The following DYNC1H1 variants were observed in gnomAD, a reference collection of about 807,000 sequenced individuals.
DYNC1H1 encodes dynein cytoplasmic 1 heavy chain 1, also known as cytoplasmic dynein 1 heavy chain 1.
In DYNC1H1, 51 loss-of-function variants were observed where a neutral mutation model predicts 527.1. The ratio of observed to expected loss-of-function variants is 0.10; its 90% CI spans 0.08 to 0.12. DYNC1H1 has a LOEUF of 0.12. DYNC1H1 is among the 10% of genes least tolerant of loss of function. DYNC1H1 has a pLI of 1.00. For synonymous variants in DYNC1H1, 2,189 were observed against 2,278.8 expected (o/e 0.96, Z 1.12); for missense variants, 2,771 against 5,971.8 (o/e 0.46, Z 17.66).
intron 15 of DYNC1H1, 38 bp downstream of exon 15, chr14:101,995,338 G>A (rs755023870): frequency 1.6e-5 from 26 of 1,612,504 alleles, no homozygotes; most frequent in South Asian, 5.5e-5. Flanking sequence ...TTGGCTGGGC[G>A]TGGTGGCTCA....
At position 101,983,075 on chromosome 14, in the gene DYNC1H1, C is replaced by T. The variant is rs752337814; in HGVS notation, c.1018C>T (p.Pro340Ser). 1 of 1,614,122 alleles carries T rather than the reference C, an allele frequency of 6.2e-7. No homozygotes were observed. The change falls in exon 6 of 78, where the codon CCT becomes TCT. Residue 340 changes from proline to serine, a missense_variant. Transcript: ENST00000360184. This position sits in a 1 kb window ranked among gnomAD's most constrained non-coding sequence, Gnocchi z 5.3. ...CTACAATCCTCTGATGAAAGATTTC[C>T]CTCTGAATGATTTGCTGTCTGCCAC... ...NDYNPLMKDF[P>S]LNDLLSATEL...
chr14:102,046,995 A>G (rs912318055), intron 72 of DYNC1H1, among the ~76,000 whole-genome samples: 1 of 151,918 alleles, frequency 6.6e-6, no homozygotes, highest in Non-Finnish European at 1.5e-5. Context: ...GGGTCTCACT[A>G]TGTTGCCCAG....
In DYNC1H1 at chr14:101,988,813, A is replaced by G. The variant is rs757594867; in HGVS notation, c.2829A>G (p.Pro943=). 1.2e-5 allele frequency: 20 copies of G among 1,614,268 alleles called. No homozygotes were observed. Among genetic ancestry groups the G allele is most frequent in the Non-Finnish European group, 1.5e-5 (18 of 1,180,052 alleles). Residue 943 remains proline (P), a synonymous_variant, in exon 10 of 78, where the codon CCA becomes CCG. Transcript: ENST00000360184. ...AAGTTGACATGGACACAGATGCTCC[A>G]CAAGTTAGTCACAAGCCTGGTGGAG... ...KAEVDMDTDA[P]QVSHKPGGEP...
Position 101,964,706 on chromosome 14 carries a change from G to GGGT in DYNC1H1, c.17_18insTGG (p.Gly9dup), listed in dbSNP as rs1249154932. ...AGCGCGACACCATGTCGGAGCCCGG[G>GGGT]GGCGGCGGCGGCGAGGACGGCTCGG... On this transcript the variant is annotated inframe_insertion, in exon 1 of 78. Transcript: ENST00000360184. This position sits in a 1 kb window ranked among gnomAD's most constrained non-coding sequence, Gnocchi z 5.5. The GGGT allele has an allele frequency of 2.5e-6, 4 of 1,595,416 alleles. No homozygotes were observed. The highest frequency in any genetic ancestry group is 3.4e-6 in the Non-Finnish European group (4 of 1,175,748).
intron 73 of DYNC1H1, chr14:102,048,274 C>T: frequency 1.4e-6 from 1 of 714,822 alleles, no homozygotes; most frequent in Admixed American, 2.7e-5. Flanking sequence ...CGAGCAGCCG[C>T]AGCCCTTCCT....
Position 102,013,679 on chromosome 14 carries a change from A to G in DYNC1H1, c.7014+1209A>G, listed in dbSNP as rs17541130. On this transcript the variant is annotated intron_variant, in intron 34 of 77. Coordinates refer to ENST00000360184, the MANE Select transcript of DYNC1H1 (RefSeq NM_001376.5). The stretch of plus-strand genomic sequence containing the variant: ...TTGTACACTGGGCAAGCTGGGATCC[A>G]TGGAGCAGCCTGGACAGGAGCGATG... Among the ~76,000 whole-genome samples the G allele has an allele frequency of 2.8e-3, 421 of 152,264 alleles. 1 individual carries two copies. Among genetic ancestry groups the G allele is most frequent in the African/African-American group, 9.5e-3 (396 of 41,550 alleles).
At chr14:102,043,040 G>T (rs1463474111) in intron 69 of DYNC1H1, 2 of 414,814 alleles carry the variant, frequency 4.8e-6, no homozygotes, top group Non-Finnish European at 9.1e-6. Context: ...CCTGCACTTT[G>T]GGAGGCTGAG....
In DYNC1H1 at chr14:102,000,935, C is replaced by G. The variant is rs1172875922; in HGVS notation, c.4075-19C>G. 6.2e-7 allele frequency: 1 copy of G among 1,601,742 alleles called. No homozygotes were observed. Among genetic ancestry groups the G allele is most frequent in the African/African-American group, 1.3e-5 (1 of 74,666 alleles). ...GAAATGTTGGCAAGCTAAATAGCAT[C>G]TTATGTTTCTCTCGACAGCTTCGAC... On this transcript the variant is annotated intron_variant, in intron 18 of 77. Transcript: ENST00000360184.
Position 102,015,952 on chromosome 14 carries a change from A to G in DYNC1H1, c.7339A>G (p.Met2447Val). Reference sequence around the variant, plus strand: ...GCACGCCTTCCAGCTGGAGCACATCATGGACCTAACACGCCTGCGCTGCCT... The same window carrying G: ...GCACGCCTTCCAGCTGGAGCACATCGTGGACCTAACACGCCTGCGCTGCCT... Reference protein sequence around the residue: ...LEHAFQLEHIMDLTRLRCLGS... With the variant: ...LEHAFQLEHIVDLTRLRCLGS... The change falls in exon 36 of 78, where the codon ATG (methionine) becomes GTG (valine). Residue 2447 changes from methionine (M) to valine (V), a missense_variant. Physicochemically the swap from Met to Val is conservative, Grantham distance 21. Around this residue, in one of 32 missense-constraint regions of DYNC1H1, gnomAD observed 122 missense variants for 168.4 expected, o/e 0.72. Coordinates refer to ENST00000360184, the MANE Select transcript of DYNC1H1 (RefSeq NM_001376.5). This position sits in a 1 kb window ranked among gnomAD's most constrained non-coding sequence, Gnocchi z 6.9. 1 of 1,614,224 alleles carries G rather than the reference A, an allele frequency of 6.2e-7. No homozygotes were observed. Among genetic ancestry groups the G allele is most frequent in the Non-Finnish European group, 8.5e-7 (1 of 1,180,034 alleles).
chr14:102,009,699 G>A, intron 29 of DYNC1H1, 144 bp from the exon 30 acceptor site: 1 of 1,321,882 alleles, frequency 7.6e-7, no homozygotes, highest in South Asian at 1.3e-5. Context: ...CCGAAGAAAG[G>A]CCAAAGAGCA....
chr14:102,010,497 G>A lies in DYNC1H1; in HGVS notation c.6405+38G>A, dbSNP rs371827129. 71 of 1,608,308 alleles carry A rather than the reference G, an allele frequency of 4.4e-5. No individual in the cohort carries two copies. The Admixed American group carries it at 5.2e-4, about 12-fold the overall frequency. ...CGTTTTGATCACTCAAACCTTATAC[G>A]TTATTTAAATTTACCTTTTTAACAT... On this transcript the variant is annotated intron_variant, in intron 31 of 77. Coordinates refer to ENST00000360184, the MANE Select transcript of DYNC1H1 (RefSeq NM_001376.5). This position sits in a 1 kb window ranked among gnomAD's most constrained non-coding sequence, Gnocchi z 6.0.
intron 5 of DYNC1H1, among the ~76,000 whole-genome samples, chr14:101,980,820 T>C (rs555145783): frequency 3.7e-4 from 57 of 152,350 alleles, no homozygotes; most frequent in African/African-American, 1.3e-3. Flanking sequence ...GTTTCCCCAC[T>C]GCTGGGCTCC....
rs1303921661 is a variant in DYNC1H1, at chr14:102,042,026, C to T, written c.12116C>T (p.Thr4039Ile). Residue 4039 changes from threonine (T) to isoleucine (I), a missense_variant, in exon 66 of 78, where the codon ACT (threonine) becomes ATT (isoleucine). Coordinates refer to ENST00000360184, the MANE Select transcript of DYNC1H1 (RefSeq NM_001376.5). This position sits in a 1 kb window ranked among gnomAD's most constrained non-coding sequence, Gnocchi z 5.7. ...HIVGTEVKPNTPVLMCSVPGY... is the reference protein window; with the variant it reads ...HIVGTEVKPNIPVLMCSVPGY... ...CTTTGTTTGCAGGTGAAGCCCAACACTCCTGTCTTAATGTGCTCTGTGCCT... is the reference window on the plus strand; with the variant it reads ...CTTTGTTTGCAGGTGAAGCCCAACATTCCTGTCTTAATGTGCTCTGTGCCT... 1 of 1,614,158 alleles carries T rather than the reference C, an allele frequency of 6.2e-7. No homozygotes were observed.
rs553506400 is a variant in DYNC1H1, at chr14:102,041,872, C to T, written c.12102+138C>T. On this transcript the variant is annotated intron_variant, in intron 65 of 77. Transcript: ENST00000360184. The surrounding 1 kb of genome is among the most constrained non-coding windows in gnomAD (Gnocchi z 4.5). ...AGACCAGGAACTCGCTGCAGATTCT[C>T]AACTCCTGGCTGCATGGTGCCCACA... is the stretch of plus-strand genomic sequence containing the variant. 102 of 1,510,314 alleles carry T rather than the reference C, an allele frequency of 6.8e-5. 1 individual carries two copies. The African/African-American group carries it at 1.3e-3, about 19-fold the overall frequency. 93.6% of individuals were successfully genotyped at this position (1,510,314 alleles called of 1,614,324 possible). A position where few individuals can be genotyped will look rare whatever the true frequency, so the allele number is the denominator to read the frequency against.
chr14:102,038,266 A>T lies in DYNC1H1; in HGVS notation c.10909-194A>T, dbSNP rs1257042713. On this transcript the variant is annotated intron_variant, in intron 57 of 77. Transcript: ENST00000360184. This position sits in a 1 kb window ranked among gnomAD's most constrained non-coding sequence, Gnocchi z 7.2. ...AGTGCTGGAATTACAGGCGTGAGCC[A>T]CCGCATCTGGCTGAGTTTTTAATTT... is the stretch of plus-strand genomic sequence containing the variant. 4.4e-6 allele frequency: 4 copies of T among 914,912 alleles called. No homozygotes were observed. The highest frequency in any genetic ancestry group is 2.1e-5 in the Admixed American group (1 of 47,980). 56.7% of individuals were successfully genotyped at this position (914,912 alleles called of 1,614,324 possible).
rs71116874 is a variant in DYNC1H1, at chr14:102,047,641, G to GTATATATATATA, written c.13007-164_13007-153dup. 1,477 of 316,638 alleles carry GTATATATATATA rather than the reference G, an allele frequency of 4.7e-3. 39 individuals are homozygous for GTATATATATATA. The highest frequency in any genetic ancestry group is 0.039 in the African/African-American group (1,006 of 25,494). 19.6% of individuals were successfully genotyped at this position (316,638 alleles called of 1,614,324 possible). On this transcript the variant is annotated intron_variant, in intron 72 of 77. Coordinates refer to ENST00000360184, the MANE Select transcript of DYNC1H1 (RefSeq NM_001376.5). ...TACACGTGTGTGTGTGTGTGTGTGT[G>GTATATATATATA]TATATATATATATATATATATATGT...
At position 102,016,745 on chromosome 14, in the gene DYNC1H1, C is replaced by T. The variant is rs751611690; in HGVS notation, c.7615-21C>T. The T allele has an allele frequency of 3.7e-6, 6 of 1,611,888 alleles. No individual in the cohort carries two copies. Among genetic ancestry groups the T allele is most frequent in the Admixed American group, 1.7e-5 (1 of 59,754 alleles). On this transcript the variant is annotated intron_variant, in intron 37 of 77. Transcript: ENST00000360184. This position sits in a 1 kb window ranked among gnomAD's most constrained non-coding sequence, Gnocchi z 7.3. ...GGCACCTTGGTTGCAGCCGGACTCA[C>T]ACTTCCATCTCCGTGTGTAGGTGTC...
chr14:101,988,594 T>A, intron 9 of DYNC1H1, 109 bp from the exon 10 acceptor site: 3 of 1,421,386 alleles, frequency 2.1e-6, no homozygotes, highest in Non-Finnish European at 2.9e-6. Flanking sequence ...AGGCTTCTAG[T>A]CCGGAACTGT....
Position 102,034,258 on chromosome 14 carries a change from TAG to T in DYNC1H1, c.10627-64_10627-63del, listed in dbSNP as rs1286252992. 73 of 1,614,008 alleles carry T rather than the reference TAG, an allele frequency of 4.5e-5. No homozygotes were observed. In the South Asian group the frequency reaches 7.0e-4, roughly 16 times the overall value. ...GGCAAGCTGGTGTTTAGTGCACAGT[TAG>T]AGTCTTGAGAACAGTCCCATCTGTG... On this transcript the variant is annotated intron_variant, in intron 55 of 77. Coordinates refer to ENST00000360184, the MANE Select transcript of DYNC1H1 (RefSeq NM_001376.5).
Sources: allele counts gnomAD v4.1 joint callset (sites outside exome capture counted in the v4.1 genomes callset), GRCh38; gene constraint gnomAD v4.1.1; regional missense constraint gnomAD v4.1.1; non-coding constraint Gnocchi (gnomAD v3.1); transcripts MANE v1.5; gene names NCBI Gene and HGNC (gene_info 2026-07-23, HGNC 2026-07-21).